The following GRID1 variants were observed in gnomAD, a reference collection of about 807,000 sequenced individuals.
GRID1 encodes glutamate receptor ionotropic, delta-1.
Under a neutral mutation model 98.0 loss-of-function variants are expected in GRID1, and 28 were observed. The observed-to-expected ratio is 0.29, with a 90% CI of 0.21 to 0.39. The LOEUF (loss-of-function observed/expected upper bound fraction) is 0.39, where lower values mean the gene tolerates loss of function less well. GRID1 is among the 10% of genes least tolerant of loss of function. The pLI is 1.00. For synonymous variants in GRID1, 553 were observed against 538.5 expected (o/e 1.03, Z -0.37); for missense variants, 1,111 against 1,340.5 (o/e 0.83, Z 2.67).
intron 12 of GRID1, among the ~76,000 whole-genome samples, chr10:85,670,439 C>T (rs370395749): frequency 8.5e-4 from 129 of 152,290 alleles, no homozygotes; most frequent in African/African-American, 2.6e-3. Flanking sequence ...GCTGAAGGAA[C>T]ACTGCTTTTC....
At chr10:85,688,959 T>A (rs1841300599) in intron 12 of GRID1, among the ~76,000 whole-genome samples, 1 of 152,136 alleles carries the variant, frequency 6.6e-6, no homozygotes, top group African/African-American at 2.4e-5. Context: ...TGTACTTAAG[T>A]GGCTGATTAT....
At chr10:85,992,912 C>T (rs1842699312) in intron 4 of GRID1, among the ~76,000 whole-genome samples, 1 of 152,068 alleles carries the variant, frequency 6.6e-6, no homozygotes, top group Non-Finnish European at 1.5e-5. Flanking sequence ...TATGATTGCA[C>T]CACTGCACTC....
At chr10:86,040,650 T>C (rs1192708229) in intron 4 of GRID1, among the ~76,000 whole-genome samples, 1 of 152,086 alleles carries the variant, frequency 6.6e-6, no homozygotes, top group Non-Finnish European at 1.5e-5. Context: ...TTATGTTAGA[T>C]AGGAGGAATA....
In GRID1 at chr10:85,723,072, AT is replaced by A; in HGVS notation, c.1927del (p.Ile643LeufsTer23). On this transcript the variant is annotated frameshift_variant, in exon 12 of 16. Transcript: ENST00000327946. LOFTEE classifies it high-confidence loss of function. ...GTTGGCTGTGTAGGAGGAGCACACA[AT>A]GAGCGTGAAGAGCCACCAGCTGCCC... Reference protein sequence around the residue: ...VMGSWWLFTLIVCSSYTANLA... With the variant: ...VMGSWWLFTLXVCSSYTANLA... The A allele has an allele frequency of 6.2e-7, 1 of 1,612,646 alleles. No homozygotes were observed. Among genetic ancestry groups the A allele is most frequent in the Non-Finnish European group, 8.5e-7 (1 of 1,179,332 alleles).
Position 86,110,129 on chromosome 10 carries a change from C to T in GRID1, c.726+28690G>A, listed in dbSNP as rs550112155. 1.6e-3 allele frequency among the ~76,000 whole-genome samples: 247 copies of T among 152,180 alleles called. 1 individual carries two copies. The highest frequency in any genetic ancestry group is 5.7e-3 in the African/African-American group (235 of 41,516). Reference sequence around the variant, plus strand: ...CTGGGATTACAGGCACGTGCCACCACGCCTGGCTAATTTTTTATATTTTTA... The same window carrying T: ...CTGGGATTACAGGCACGTGCCACCATGCCTGGCTAATTTTTTATATTTTTA... On this transcript the variant is annotated intron_variant, in intron 4 of 15. Transcript: ENST00000327946.
chr10:85,739,170 A>C (rs1341014095), intron 8 of GRID1, among the ~76,000 whole-genome samples: 2 of 152,164 alleles, frequency 1.3e-5, no homozygotes, highest in African/African-American at 4.8e-5. Flanking sequence ...ACACACACAC[A>C]TACAATGATT....
At chr10:86,246,395 G>A (rs1044227562) in intron 2 of GRID1, among the ~76,000 whole-genome samples, 2 of 152,170 alleles carry the variant, frequency 1.3e-5, no homozygotes. Flanking sequence ...TCTGCTATCT[G>A]AGAGGAGCCC....
intron 4 of GRID1, among the ~76,000 whole-genome samples, chr10:86,028,616 C>T (rs1843146916): frequency 6.6e-6 from 1 of 152,166 alleles, no homozygotes; most frequent in African/African-American, 2.4e-5. Flanking sequence ...GCATGTGATG[C>T]TCAGTCTTTA....
intron 2 of GRID1, among the ~76,000 whole-genome samples, chr10:86,291,584 C>T (rs1305681822): frequency 3.3e-4 from 50 of 152,322 alleles, no homozygotes; most frequent in Non-Finnish European, 1.8e-4. Context: ...GCCCTCCAGA[C>T]ACCTTCTCCT....
Position 85,599,802 on chromosome 10 carries a change from A to AAAAAAAAAAAAAAAAATATATATAG in GRID1, c.*2470_*2471insCTATATATATTTTTTTTTTTTTTTT. The stretch of plus-strand genomic sequence containing the variant: ...GTAGAAAATTCTAAAAAAAAAAAAA[A>AAAAAAAAAAAAAAAAATATATATAG]ATATATATATATATATATAAACATG... On this transcript the variant is annotated 3_prime_UTR_variant, in exon 16 of 16. Transcript: ENST00000327946. The AAAAAAAAAAAAAAAAATATATATAG allele has an allele frequency of 1.5e-5, 1 of 65,000 alleles. No homozygotes were observed. Among genetic ancestry groups the AAAAAAAAAAAAAAAAATATATATAG allele is most frequent in the African/African-American group, 9.3e-5 (1 of 10,730 alleles). 4.0% of individuals were successfully genotyped at this position (65,000 alleles called of 1,614,324 possible). A position where few individuals can be genotyped will look rare whatever the true frequency, so the allele number is the denominator to read the frequency against.
intron 4 of GRID1, among the ~76,000 whole-genome samples, chr10:85,975,350 T>TG (rs1403730781): frequency 6.6e-6 from 1 of 152,204 alleles, no homozygotes; most frequent in Non-Finnish European, 1.5e-5. Context: ...TGGCTGACTG[T>TG]GGGGAACTGA....
intron 2 of GRID1, among the ~76,000 whole-genome samples, chr10:86,281,581 T>A (rs1847357444): frequency 1.3e-5 from 2 of 152,068 alleles, no homozygotes; most frequent in African/African-American, 4.8e-5. Context: ...TTGTTGTTCA[T>A]GAGATCTTCC....
At chr10:86,322,499 C>T (rs1311178128) in intron 2 of GRID1, among the ~76,000 whole-genome samples, 1 of 151,988 alleles carries the variant, frequency 6.6e-6, no homozygotes, top group Non-Finnish European at 1.5e-5. Context: ...GCAACCTCCA[C>T]CTCCTGGTTC....
chr10:86,222,851 G>A (rs1304734492), intron 2 of GRID1, among the ~76,000 whole-genome samples: 1 of 152,144 alleles, frequency 6.6e-6, no homozygotes, highest in Admixed American at 6.5e-5. Flanking sequence ...AAGCCACAAG[G>A]GCACTAGGGC....
chr10:86,153,265 C>A (rs1378314500), intron 3 of GRID1, among the ~76,000 whole-genome samples: 1 of 152,256 alleles, frequency 6.6e-6, no homozygotes, highest in African/African-American at 2.4e-5. Context: ...CTCACCAGTG[C>A]TCACACTCAC....
chr10:85,650,132 C>T (rs1564689006), intron 12 of GRID1: 1 of 152,262 alleles, frequency 6.6e-6, no homozygotes, highest in Non-Finnish European at 1.5e-5. Flanking sequence ...ATCCTCTTGT[C>T]ACAGCACCCA....
intron 2 of GRID1, among the ~76,000 whole-genome samples, chr10:86,285,248 T>C (rs538583034): frequency 5.0e-4 from 76 of 152,296 alleles, no homozygotes; most frequent in Non-Finnish European, 8.2e-4. Flanking sequence ...TTGACAGCGA[T>C]GGCTCTGAAG....
At chr10:85,975,185 G>A (rs1158258379) in intron 4 of GRID1, among the ~76,000 whole-genome samples, 1 of 152,138 alleles carries the variant, frequency 6.6e-6, no homozygotes, top group Admixed American at 6.6e-5. Flanking sequence ...TCTCCATTAG[G>A]GACATTCATA....
intron 13 of GRID1, among the ~76,000 whole-genome samples, chr10:85,626,325 T>C (rs1472153814): frequency 1.3e-5 from 2 of 152,172 alleles, no homozygotes; most frequent in Non-Finnish European, 2.9e-5. Context: ...TCCAAAGAAG[T>C]CTGTGCTGTC....
Sources: allele counts gnomAD v4.1 joint callset (sites outside exome capture counted in the v4.1 genomes callset), GRCh38; gene constraint gnomAD v4.1.1; transcripts MANE v1.5; gene names NCBI Gene and HGNC (gene_info 2026-07-23, HGNC 2026-07-21).